KCNMB2: variants seen among roughly 807,000 people sequenced by gnomAD.
The protein encoded by KCNMB2 is potassium calcium-activated channel subfamily M regulatory beta subunit 2, also known as calcium-activated potassium channel subunit beta-2.
KCNMB2 carries 9 observed loss-of-function variants against 24.5 expected under a neutral mutation model. The observed-to-expected ratio is 0.37, with a 90% confidence interval of 0.22 to 0.64. The LOEUF (loss-of-function observed/expected upper bound fraction) is 0.64, where lower values mean the gene tolerates loss of function less well. KCNMB2 is among the 30% of genes least tolerant of loss of function. KCNMB2 has a pLI of 0.63. For synonymous variants in KCNMB2, 109 were observed against 104.4 expected, an observed-to-expected ratio of 1.04 and a Z score of -0.27; for missense variants, 226 against 284.3, an observed-to-expected ratio of 0.79 and a Z score of 1.47.
At chr3:178,586,776 C>T (rs1242266939) in intron 1 of KCNMB2, among the ~76,000 whole-genome samples, 1 of 152,052 alleles carries the variant, frequency 6.6e-6, no homozygotes, top group East Asian at 1.9e-4. Context: ...AACTCCTGAC[C>T]TCGGGTGATC....
chr3:178,598,366 A>C (rs539480297), intron 1 of KCNMB2, among the ~76,000 whole-genome samples: 1 of 152,100 alleles, frequency 6.6e-6, no homozygotes, highest in Admixed American at 6.5e-5. Flanking sequence ...ATATAGAGAT[A>C]GAGTGACCAG....
At chr3:178,714,375 A>G (rs1214939570) in intron 1 of KCNMB2, among the ~76,000 whole-genome samples, 1 of 152,180 alleles carries the variant, frequency 6.6e-6, no homozygotes, top group Non-Finnish European at 1.5e-5. Flanking sequence ...TGGACTCATG[A>G]GGAGGGACAC....
intron 1 of KCNMB2, among the ~76,000 whole-genome samples, chr3:178,633,520 C>T (rs149572815): frequency 6.6e-6 from 1 of 152,172 alleles, no homozygotes. Flanking sequence ...GTACCTTGGC[C>T]CCTTGTAGCC....
rs559787950 is a variant in KCNMB2 at position 178,649,644 on chromosome 3, A to G, written c.-68+112933A>G. On this transcript the variant is annotated intron_variant, in intron 1 of 4. Coordinates refer to ENST00000452583, the MANE Select transcript of KCNMB2 (RefSeq NM_181361.3). ...TGTATCCATTTCTTCTAGATTTTCT[A>G]GTTTATTTGAGTAGAGGTGTTTATA... 1.6e-3 allele frequency among the ~76,000 whole-genome samples: 241 copies of G among 151,944 alleles called. 2 individuals are homozygous for G. Among genetic ancestry groups the G allele is most frequent in the African/African-American group, 5.5e-3 (228 of 41,450 alleles).
intron 1 of KCNMB2, among the ~76,000 whole-genome samples, chr3:178,778,474 A>ACACG (rs1712686693): frequency 1.5e-5 from 1 of 65,656 alleles, no homozygotes; most frequent in East Asian, 3.1e-4. Context: ...ACACACACAC[A>ACACG]CACACACACA....
At chr3:178,661,209 C>T (rs1339337033) in intron 1 of KCNMB2, among the ~76,000 whole-genome samples, 1 of 151,292 alleles carries the variant, frequency 6.6e-6, no homozygotes, top group African/African-American at 2.4e-5. Flanking sequence ...CATTGTTCAG[C>T]ACCCACTTAT....
At chr3:178,681,846 T>C (rs943839454) in intron 1 of KCNMB2, among the ~76,000 whole-genome samples, 5 of 152,160 alleles carry the variant, frequency 3.3e-5, no homozygotes, top group Non-Finnish European at 5.9e-5. Context: ...GTCCACTAAA[T>C]GTACATTATT....
chr3:178,556,608 T>C (rs1716133186), intron 1 of KCNMB2, among the ~76,000 whole-genome samples: 1 of 152,174 alleles, frequency 6.6e-6, no homozygotes, highest in South Asian at 2.1e-4. Flanking sequence ...GGTTTCACCA[T>C]GTTGGTCAGA....
intron 1 of KCNMB2, among the ~76,000 whole-genome samples, chr3:178,759,755 T>TACAC (rs1553775152): frequency 5.2e-4 from 3 of 5,798 alleles, no homozygotes; most frequent in African/African-American, 3.3e-3. Context: ...AGGATATATC[T>TACAC]ATATATATAT....
At chr3:178,704,795 T>C (rs1722222788) in intron 1 of KCNMB2, among the ~76,000 whole-genome samples, 1 of 152,196 alleles carries the variant, frequency 6.6e-6, no homozygotes, top group Non-Finnish European at 1.5e-5. Context: ...TCTTGCATCA[T>C]GCTCATTCCC....
chr3:178,722,012 T>A (rs1722822794), intron 1 of KCNMB2, among the ~76,000 whole-genome samples: 1 of 152,194 alleles, frequency 6.6e-6, no homozygotes, highest in Admixed American at 6.5e-5. Flanking sequence ...ATGGCTTGTA[T>A]TTTTATTCTC....
At chr3:178,673,508 C>G (rs980667841) in intron 1 of KCNMB2, among the ~76,000 whole-genome samples, 1 of 152,108 alleles carries the variant, frequency 6.6e-6, no homozygotes, top group Non-Finnish European at 1.5e-5. Context: ...GTCACACTTA[C>G]CCATTTACCA....
intron 1 of KCNMB2, among the ~76,000 whole-genome samples, chr3:178,541,169 C>A (rs955129243): frequency 1.3e-5 from 2 of 152,050 alleles, no homozygotes; most frequent in Non-Finnish European, 2.9e-5. Flanking sequence ...CCCCTGCCTG[C>A]ACAGGAGGGG....
intron 1 of KCNMB2, among the ~76,000 whole-genome samples, chr3:178,608,161 A>G (rs1718345654): frequency 6.6e-6 from 1 of 152,210 alleles, no homozygotes; most frequent in Non-Finnish European, 1.5e-5. Context: ...AAAGCAACAG[A>G]CACTATGAAT....
intron 1 of KCNMB2, among the ~76,000 whole-genome samples, chr3:178,647,755 A>C (rs1240763210): frequency 6.6e-6 from 1 of 152,140 alleles, no homozygotes; most frequent in Non-Finnish European, 1.5e-5. Flanking sequence ...TCCAGCAGTA[A>C]TGTTTTAGGT....
intron 1 of KCNMB2, among the ~76,000 whole-genome samples, chr3:178,704,590 G>T (rs532362383): frequency 8.0e-4 from 121 of 152,158 alleles, no homozygotes; most frequent in Non-Finnish European, 1.6e-3. Flanking sequence ...TTCTTCATCA[G>T]TGCTTCTCTA....
At chr3:178,793,474 T>C (rs1429171131) in intron 1 of KCNMB2, among the ~76,000 whole-genome samples, 4 of 149,970 alleles carry the variant, frequency 2.7e-5, no homozygotes, top group Non-Finnish European at 4.4e-5. Flanking sequence ...AGGGAAGGAA[T>C]TGAGAGAGCA....
At position 178,680,061 on chromosome 3, in the gene KCNMB2, C is replaced by A. The variant is rs529900363; in HGVS notation, c.-67-127282C>A. Among the ~76,000 whole-genome samples the A allele has an allele frequency of 8.5e-5, 13 of 152,126 alleles. No individual in the cohort carries two copies. In the South Asian group the frequency reaches 2.3e-3, roughly 27 times the overall value. On this transcript the variant is annotated intron_variant, in intron 1 of 4. Transcript: ENST00000452583. ...CCCAGACTCCAGGGTTGTTAGTGGACAACTTTCTGGAGACCCCAAGGAGCT... is the reference window on the plus strand; with the variant it reads ...CCCAGACTCCAGGGTTGTTAGTGGAAAACTTTCTGGAGACCCCAAGGAGCT...
intron 1 of KCNMB2, among the ~76,000 whole-genome samples, chr3:178,622,428 G>C (rs1050643467): frequency 6.6e-6 from 1 of 152,174 alleles, no homozygotes; most frequent in Admixed American, 6.5e-5. Flanking sequence ...TCAAAGAAGG[G>C]AAGGAACTAT....
Sources: gnomAD v4.1 joint callset for allele counts (sites outside exome capture counted in the v4.1 genomes callset) on GRCh38, gnomAD v4.1.1 for gene constraint, MANE v1.5 for transcripts, NCBI Gene and HGNC (gene_info 2026-07-23, HGNC 2026-07-21) for gene names.